ICA1: variants seen among roughly 807,000 people sequenced by gnomAD.
ICA1 encodes the protein 69 kDa islet cell autoantigen.
Under a neutral mutation model 71.0 loss-of-function variants are expected in ICA1, and 40 were observed. The observed-to-expected ratio is 0.56, with a 90% CI of 0.44 to 0.73. ICA1 has a LOEUF of 0.73. Among genes scored for constraint, ICA1 ranks in the 30% least tolerant of loss-of-function variants. ICA1 has a pLI of 0.00. For missense variants in ICA1, 578 were observed against 576.5 expected (o/e 1.00, Z -0.03); for synonymous variants, 207 against 209.5 (o/e 0.99, Z 0.10).
intron 6 of ICA1, among the ~76,000 whole-genome samples, chr7:8,205,275 G>A (rs1791121698): frequency 6.6e-6 from 1 of 152,124 alleles, no homozygotes; most frequent in Non-Finnish European, 1.5e-5. Context: ...CAGCCTGGAT[G>A]AGGAAGATAT....
In ICA1 at chr7:8,244,993, A is replaced by T. The variant is rs143281650; in HGVS notation, c.-79-8988T>A. ...TAAACTAGTTCAACTATTGTGGAAG[A>T]CAGTGTGGTGATTCCTCAAGGATCT... On this transcript the variant is annotated intron_variant, in intron 1 of 13. Coordinates refer to ENST00000402384, the MANE Select transcript of ICA1 (RefSeq NM_001136020.3). Among the ~76,000 whole-genome samples, 1,163 of 152,300 alleles carry T rather than the reference A, an allele frequency of 7.6e-3. 14 individuals are homozygous for T. The highest frequency in any genetic ancestry group is 0.027 in the African/African-American group (1,113 of 41,568).
At chr7:8,203,812 G>A (rs888234331) in intron 6 of ICA1, among the ~76,000 whole-genome samples, 4 of 152,150 alleles carry the variant, frequency 2.6e-5, no homozygotes, top group Non-Finnish European at 5.9e-5. Flanking sequence ...AACCTGTGGG[G>A]CAATTTGCAG....
At chr7:8,180,921 T>C (rs978019655) in intron 6 of ICA1, among the ~76,000 whole-genome samples, 2 of 151,932 alleles carry the variant, frequency 1.3e-5, no homozygotes, top group Non-Finnish European at 2.9e-5. Flanking sequence ...AAATATCTTC[T>C]CCCTCTCTGC....
rs182896988 is a variant in ICA1, at chr7:8,119,777, C to T, written c.1331-5733G>A. 4.6e-5 allele frequency among the ~76,000 whole-genome samples: 7 copies of T among 152,178 alleles called. No individual in the cohort carries two copies. In the East Asian group the frequency reaches 9.7e-4, roughly 21 times the overall value. On this transcript the variant is annotated intron_variant, in intron 13 of 13. Coordinates refer to ENST00000402384, the MANE Select transcript of ICA1 (RefSeq NM_001136020.3). Reference sequence around the variant, plus strand: ...AGGAGATTCGCTTGAACCCGGGAGGCGGAGGTTGCAGTGAGCCGAGATCGT... The same window carrying T: ...AGGAGATTCGCTTGAACCCGGGAGGTGGAGGTTGCAGTGAGCCGAGATCGT...
At chr7:8,232,232 T>C (rs1171320648) in intron 3 of ICA1, among the ~76,000 whole-genome samples, 1 of 152,218 alleles carries the variant, frequency 6.6e-6, no homozygotes, top group Admixed American at 6.5e-5. Flanking sequence ...TTACCTGAGT[T>C]CTTCTTTTAA....
In ICA1 at chr7:8,232,259, C is replaced by T. The variant is rs539034783; in HGVS notation, c.183+331G>A. ...TTCTTTTAAAAAAATTTAACATTTG[C>T]CAGATTCTAGTGTTCTAAATCTGAC... On this transcript the variant is annotated intron_variant, in intron 3 of 13. Coordinates refer to ENST00000402384, the MANE Select transcript of ICA1 (RefSeq NM_001136020.3). 5.3e-5 allele frequency among the ~76,000 whole-genome samples: 8 copies of T among 152,256 alleles called. No individual in the cohort carries two copies. The South Asian group carries it at 6.2e-4, about 12-fold the overall frequency.
chr7:8,211,385 G>A lies in ICA1; in HGVS notation c.579+6920C>T, dbSNP rs181932781. Among the ~76,000 whole-genome samples the A allele has an allele frequency of 2.0e-5, 3 of 152,288 alleles. No individual in the cohort carries two copies. In the East Asian group the frequency reaches 5.8e-4, roughly 29 times the overall value. On this transcript the variant is annotated intron_variant, in intron 6 of 13. Coordinates refer to ENST00000402384, the MANE Select transcript of ICA1 (RefSeq NM_001136020.3). ...CACCTTCCTCAGCTCCAACCTGCAA[G>A]GGAGGCTTAGCGTGGTTAATGCGTT...
At chr7:8,119,327 T>C (rs17330033) in intron 13 of ICA1, among the ~76,000 whole-genome samples, 16,442 of 152,118 alleles carry the variant, frequency 0.11, 960 homozygotes, top group East Asian at 0.16. Context: ...AACAAGATCA[T>C]TCTTCCCATT....
intron 6 of ICA1, among the ~76,000 whole-genome samples, chr7:8,201,543 G>A (rs1028898954): frequency 2.6e-5 from 4 of 152,192 alleles, no homozygotes; most frequent in African/African-American, 9.7e-5. Flanking sequence ...CCCACCGCCT[G>A]TTTGGGAGTC....
chr7:8,224,658 C>T lies in ICA1; in HGVS notation c.257-3260G>A, dbSNP rs144785627. The stretch of plus-strand genomic sequence containing the variant: ...TGGTATAATACTATCAACTAACCTA[C>T]AGCCCTTATTTGAATTTTACCAGTT... On this transcript the variant is annotated intron_variant, in intron 4 of 13. Coordinates refer to ENST00000402384, the MANE Select transcript of ICA1 (RefSeq NM_001136020.3). 3.9e-5 allele frequency among the ~76,000 whole-genome samples: 6 copies of T among 152,310 alleles called. No individual in the cohort carries two copies. In the East Asian group the frequency reaches 1.2e-3, roughly 29 times the overall value.
At chr7:8,137,051 C>CT (rs79248652) in intron 12 of ICA1, among the ~76,000 whole-genome samples, 6,238 of 140,120 alleles carry the variant, frequency 0.045, 140 homozygotes, top group Middle Eastern at 0.088. Flanking sequence ...AGCCAAGAAC[C>CT]TTTTTTTTTT....
Position 8,143,976 on chromosome 7 carries a change from G to C in ICA1, c.805-4C>G. On this transcript the variant is annotated splice_polypyrimidine_tract_variant and splice_region_variant and intron_variant, in intron 8 of 13. Coordinates refer to ENST00000402384, the MANE Select transcript of ICA1 (RefSeq NM_001136020.3). ...TTTTCATAGGGTCTTGTAAGCTCTT[G>C]ATCACGAGCCATAGAAAAATGAAAA... is the stretch of plus-strand genomic sequence containing the variant. 1.4e-6 allele frequency: 2 copies of C among 1,439,470 alleles called. No homozygotes were observed. Among genetic ancestry groups the C allele is most frequent in the Non-Finnish European group, 1.9e-6 (2 of 1,034,512 alleles). 89.2% of individuals were successfully genotyped at this position (1,439,470 alleles called of 1,614,324 possible).
chr7:8,144,202 T>C lies in ICA1; in HGVS notation c.805-230A>G, dbSNP rs1796154385. Among the ~76,000 whole-genome samples the C allele has an allele frequency of 6.6e-6, 1 of 152,196 alleles. No homozygotes were observed. The highest frequency in any genetic ancestry group is 6.5e-5 in the Admixed American group (1 of 15,282). On this transcript the variant is annotated intron_variant, in intron 8 of 13. Transcript: ENST00000402384. This position sits in a 1 kb window ranked among gnomAD's most constrained non-coding sequence, Gnocchi z 4.5. ...CAGACACATCCGAGAAATACTAGCA[T>C]ATATAGCAGAGCTGATTTGCCACAA...
chr7:8,139,546 C>T (rs1016457132), intron 10 of ICA1, among the ~76,000 whole-genome samples: 2 of 152,156 alleles, frequency 1.3e-5, no homozygotes, highest in South Asian at 4.1e-4. Context: ...GTGGAGGACA[C>T]AGGGGTTTCA....
At chr7:8,225,284 A>C (rs1239224245) in intron 4 of ICA1, among the ~76,000 whole-genome samples, 2 of 151,232 alleles carry the variant, frequency 1.3e-5, no homozygotes, top group East Asian at 3.9e-4. Flanking sequence ...TCCACCATTT[A>C]TCTCTCTCTC....
chr7:8,181,434 A>T (rs1782161249), intron 6 of ICA1, among the ~76,000 whole-genome samples: 1 of 152,072 alleles, frequency 6.6e-6, no homozygotes, highest in Non-Finnish European at 1.5e-5. Context: ...CTTTGTTCTT[A>T]CTTTTAAAGA....
At chr7:8,242,088 T>C (rs1804141221) in intron 1 of ICA1, among the ~76,000 whole-genome samples, 1 of 152,094 alleles carries the variant, frequency 6.6e-6, no homozygotes, top group Admixed American at 6.5e-5. Context: ...TACAGAACTC[T>C]CCACCCCAAA....
intron 6 of ICA1, among the ~76,000 whole-genome samples, chr7:8,195,516 T>C (rs1562945748): frequency 2.0e-5 from 3 of 151,840 alleles, no homozygotes; most frequent in Non-Finnish European, 4.4e-5. Context: ...CATTCCAGTC[T>C]GGGCAACAAG....
At chr7:8,203,344 A>AT (rs1272758155) in intron 6 of ICA1, among the ~76,000 whole-genome samples, 136 of 152,310 alleles carry the variant, frequency 8.9e-4, no homozygotes, top group African/African-American at 3.1e-3. Flanking sequence ...TTAAAAAAAA[A>AT]GTTAAGACAT....
Sources: allele counts gnomAD v4.1 joint callset (sites outside exome capture counted in the v4.1 genomes callset), GRCh38; gene constraint gnomAD v4.1.1; non-coding constraint Gnocchi (gnomAD v3.1); transcripts MANE v1.5; gene names NCBI Gene and HGNC (gene_info 2026-07-23, HGNC 2026-07-21).